NGLY1: variants seen among roughly 807,000 people sequenced by gnomAD.
The protein encoded by NGLY1 is N-glycanase 1.
Under a neutral mutation model 84.6 loss-of-function variants are expected in NGLY1, and 68 were observed. The observed-to-expected ratio is 0.80, with a 90% confidence interval of 0.66 to 0.98. The LOEUF (loss-of-function observed/expected upper bound fraction) is 0.98. Ranked by LOEUF, NGLY1 falls within the 50% of genes least tolerant of loss-of-function variation. The pLI, the probability that NGLY1 is intolerant of heterozygous loss-of-function variation, is 0.00. For synonymous variants in NGLY1, 280 were observed against 275.2 expected (o/e 1.02, Z -0.17); for missense variants, 779 against 770.2 (o/e 1.01, Z -0.14).
chr3:25,784,461 C>T (rs1237121385), upstream of NGLY1, among the ~76,000 whole-genome samples: 1 of 152,116 alleles, frequency 6.6e-6, no homozygotes, highest in Non-Finnish European at 1.5e-5. Context: ...TCTTTTATTC[C>T]TCTTAGAAGA....
At chr3:25,730,139 C>G (rs1001390389) in intron 9 of NGLY1, 1 of 151,934 alleles carries the variant, frequency 6.6e-6, no homozygotes. Context: ...AAATCCCAGG[C>G]AATCTTTGCA....
At chr3:25,752,148 T>C (rs764213406) in intron 3 of NGLY1, among the ~76,000 whole-genome samples, 1 of 152,212 alleles carries the variant, frequency 6.6e-6, no homozygotes, top group Non-Finnish European at 1.5e-5. Flanking sequence ...GAAAAAACTT[T>C]AAAAAGTTTC....
chr3:25,783,419 C>G lies in NGLY1; in HGVS notation c.-29G>C. The stretch of plus-strand genomic sequence containing the variant: ...TGAGCGCCAGCGGGCGCCGCCGCCG[C>G]CCCTCGCTCTCCGCGTCCCACACTG... On this transcript the variant is annotated 5_prime_UTR_variant, in exon 1 of 12. Transcript: ENST00000280700. This position sits in a 1 kb window ranked among gnomAD's most constrained non-coding sequence, Gnocchi z 4.5. 1 of 1,519,230 alleles carries G rather than the reference C, an allele frequency of 6.6e-7. No homozygotes were observed. The highest frequency in any genetic ancestry group is 8.8e-7 in the Non-Finnish European group (1 of 1,134,744). The allele number at this position is 1,519,230 out of a possible 1,614,324, so 94.1% of individuals were successfully genotyped here.
chr3:25,736,091 T>C lies in NGLY1; in HGVS notation c.1062A>G (p.Ala354=). Residue 354 remains alanine, a synonymous_variant, in exon 7 of 12, where the codon GCA becomes GCG. Coordinates refer to ENST00000280700, the MANE Select transcript of NGLY1 (RefSeq NM_018297.4). ...GTGGCTTGTCACAGACATCTTCACA[T>C]GCATCACAGTGCAGCCACCGCTGCT... is the stretch of plus-strand genomic sequence containing the variant. ...PSQQRWLHCD[A]CEDVCDKPLL... is the part of the protein sequence containing the mutation. 6.2e-7 allele frequency: 1 copy of C among 1,613,964 alleles called. No individual in the cohort carries two copies. Among genetic ancestry groups the C allele is most frequent in the African/African-American group, 1.3e-5 (1 of 75,058 alleles).
intron 6 of NGLY1, chr3:25,736,902 T>G (rs76317108): frequency 6.2e-6 from 1 of 161,964 alleles, no homozygotes; most frequent in South Asian, 1.8e-4. Flanking sequence ...ATAGGGTGTT[T>G]ACAGTTTACA....
In NGLY1 at chr3:25,739,796, A is replaced by C. The variant is rs1706038127; in HGVS notation, c.662T>G (p.Ile221Ser). Residue 221 changes from isoleucine to serine, a missense_variant, in exon 5 of 12, where the codon ATC becomes AGC. Ile to Ser is a moderately radical substitution (Grantham distance 142). Coordinates refer to ENST00000280700, the MANE Select transcript of NGLY1 (RefSeq NM_018297.4). Reference protein sequence around the residue: ...LSRARKLDKGINISDEDFLLL... With the variant: ...LSRARKLDKGSNISDEDFLLL... Reference sequence around the variant, plus strand: ...AAGAAAATCCTCATCACTTATATTGATACCTGAGAAATTAAGGGAGGACCA... The same window carrying C: ...AAGAAAATCCTCATCACTTATATTGCTACCTGAGAAATTAAGGGAGGACCA... The C allele has an allele frequency of 1.2e-6, 2 of 1,611,962 alleles. No homozygotes were observed. Among genetic ancestry groups the C allele is most frequent in the Non-Finnish European group, 1.7e-6 (2 of 1,179,044 alleles).
At chr3:25,770,556 A>T (rs1559555664) in intron 2 of NGLY1, among the ~76,000 whole-genome samples, 1 of 152,158 alleles carries the variant, frequency 6.6e-6, no homozygotes, top group Non-Finnish European at 1.5e-5. Context: ...TCTTCATATA[A>T]TGACTTCTTT....
At chr3:25,779,396 TA>T (rs1026491942) in intron 1 of NGLY1, among the ~76,000 whole-genome samples, 13 of 152,114 alleles carry the variant, frequency 8.5e-5, no homozygotes, top group African/African-American at 2.9e-4. Flanking sequence ...CAGAATTGTT[TA>T]AAAAAAATTA....
chr3:25,740,917 A>G (rs1706104015), intron 4 of NGLY1, among the ~76,000 whole-genome samples: 1 of 152,104 alleles, frequency 6.6e-6, no homozygotes, highest in Admixed American at 6.6e-5. Context: ...ATCTGAGGTC[A>G]GGAGTTCGAG....
chr3:25,737,765 C>T (rs1424359806), intron 5 of NGLY1, among the ~76,000 whole-genome samples: 1 of 151,934 alleles, frequency 6.6e-6, no homozygotes, highest in Admixed American at 6.6e-5. Context: ...AGGATGGTCT[C>T]GATCTCCTGA....
At chr3:25,760,273 T>C (rs937045496) in intron 3 of NGLY1, among the ~76,000 whole-genome samples, 10 of 152,150 alleles carry the variant, frequency 6.6e-5, no homozygotes, top group African/African-American at 1.9e-4. Context: ...TATATATATA[T>C]GTATGTGTGT....
Position 25,767,745 on chromosome 3 carries a change from A to C in NGLY1, c.247-3434T>G, listed in dbSNP as rs117835296. Among the ~76,000 whole-genome samples the C allele has an allele frequency of 1.2e-3, 178 of 152,338 alleles. 5 individuals carry two copies. The East Asian group carries it at 0.032, about 27-fold the overall frequency. On this transcript the variant is annotated intron_variant, in intron 2 of 11. Coordinates refer to ENST00000280700, the MANE Select transcript of NGLY1 (RefSeq NM_018297.4). ...ATTTACAAAAGCCCACCATGCTGGG[A>C]AAGTTAGATATCCATATGCAGAGGA...
intron 3 of NGLY1, chr3:25,755,329 A>C: frequency 7.4e-7 from 1 of 1,351,224 alleles, no homozygotes; most frequent in Non-Finnish European, 1.1e-6. Flanking sequence ...TTAAAAAGGG[A>C]CCTAACCAAG....
intron 3 of NGLY1, among the ~76,000 whole-genome samples, chr3:25,762,384 C>T (rs770901720): frequency 5.3e-5 from 8 of 152,058 alleles, no homozygotes; most frequent in Middle Eastern, 3.2e-3. Context: ...CAGTGATCCA[C>T]GAATAACCAA....
At chr3:25,749,658 A>G (rs1345719638) in intron 4 of NGLY1, 8 of 1,496,348 alleles carry the variant, frequency 5.3e-6, no homozygotes, top group Non-Finnish European at 7.4e-6. Flanking sequence ...TTGATGCCCA[A>G]CATTAGTTAT....
At chr3:25,763,996 A>G in intron 3 of NGLY1, 70 bp downstream of exon 3, 1 of 1,558,058 alleles carries the variant, frequency 6.4e-7, no homozygotes, top group Admixed American at 1.8e-5. Flanking sequence ...AAATCATAAC[A>G]CATTCCAAAG....
intron 4 of NGLY1, among the ~76,000 whole-genome samples, chr3:25,748,033 T>C (rs1177102894): frequency 6.6e-6 from 1 of 152,180 alleles, no homozygotes; most frequent in African/African-American, 2.4e-5. Flanking sequence ...CAGAGTGTTC[T>C]TCACAATTAA....
intron 3 of NGLY1, among the ~76,000 whole-genome samples, chr3:25,756,973 G>A (rs1707069972): frequency 1.3e-5 from 2 of 152,150 alleles, no homozygotes; most frequent in African/African-American, 2.4e-5. Flanking sequence ...AATATAAACA[G>A]ACCTGTTTTG....
intron 4 of NGLY1, among the ~76,000 whole-genome samples, chr3:25,742,700 A>G (rs1481267581): frequency 1.3e-5 from 2 of 152,036 alleles, no homozygotes; most frequent in African/African-American, 2.4e-5. Flanking sequence ...AATCTTCTTA[A>G]AAGTACAGGC....
Sources: gnomAD v4.1 joint callset for allele counts (sites outside exome capture counted in the v4.1 genomes callset) on GRCh38, gnomAD v4.1.1 for gene constraint, Gnocchi (gnomAD v3.1) non-coding constraint, MANE v1.5 for transcripts, NCBI Gene and HGNC (gene_info 2026-07-23, HGNC 2026-07-21) for gene names.